KATNB1: variants seen among roughly 807,000 people sequenced by gnomAD.
KATNB1 encodes katanin regulatory subunit B1, also known as katanin p80 WD40 repeat-containing subunit B1.
KATNB1 carries 38 observed loss-of-function variants against 82.3 expected under a neutral mutation model. The ratio of observed to expected loss-of-function variants is 0.46; its 90% CI spans 0.36 to 0.61. The LOEUF is 0.61. KATNB1 is among the 20% of genes least tolerant of loss of function. The probability of loss-of-function intolerance (pLI) is 0.00; values close to 1 mark genes in which losing one functional copy is unlikely to be tolerated. For missense variants in KATNB1, 749 were observed against 915.7 expected, an observed-to-expected ratio of 0.82 and a Z score of 2.35; for synonymous variants, 361 against 368.7, an observed-to-expected ratio of 0.98 and a Z score of 0.24.
Position 57,753,150 on chromosome 16 carries a change from C to T in KATNB1, c.929C>T (p.Thr310Met), listed in dbSNP as rs535696616. The stretch of plus-strand genomic sequence containing the variant: ...CTGACGCGTGTCACCAGGACTGGCA[C>T]GGTGGCCCGGGACCCTGTGCAGGAC... ...VDLTRVTRTGTVARDPVQDHR... is the reference protein window; with the variant it reads ...VDLTRVTRTGMVARDPVQDHR... The change falls in exon 11 of 20, where the codon ACG becomes ATG. Residue 310 changes from threonine to methionine, a missense_variant. By Grantham distance (81) the Thr-to-Met change is moderately conservative. Around this residue, in one of 3 missense-constraint regions of KATNB1, gnomAD observed 407 missense variants for 434.7 expected, o/e 0.94. Transcript: ENST00000379661. The T allele has an allele frequency of 4.2e-5, 68 of 1,611,318 alleles. No individual in the cohort carries two copies. Among genetic ancestry groups the T allele is most frequent in the South Asian group, 2.2e-4 (20 of 91,068 alleles).
In KATNB1 at chr16:57,739,048, G is replaced by A. The variant is rs376614021; in HGVS notation, c.40+1765G>A. ...AGGCAGGAGGCTCAGTGTATTGGAA[G>A]GACTCAAGGGAGGCCATGGGCAGTG... is the stretch of plus-strand genomic sequence containing the variant. On this transcript the variant is annotated intron_variant, in intron 2 of 19. Transcript: ENST00000379661. Among the ~76,000 whole-genome samples, 48 of 152,340 alleles carry A rather than the reference G, an allele frequency of 3.2e-4. 1 individual carries two copies. Among genetic ancestry groups the A allele is most frequent in the African/African-American group, 1.1e-3 (44 of 41,580 alleles).
In KATNB1 at chr16:57,744,374, C is replaced by T. The variant is rs782618397; in HGVS notation, c.172-20C>T. The T allele has an allele frequency of 1.9e-6, 3 of 1,594,690 alleles. No individual in the cohort carries two copies. The highest frequency in any genetic ancestry group is 1.7e-5 in the Admixed American group (1 of 60,010). On this transcript the variant is annotated intron_variant, in intron 3 of 19. Transcript: ENST00000379661. ...GGGTCTGTCCAGCAGTGCACGGAAG[C>T]TGCTGCTCTCTCTCCACAGAGCCTG... is the stretch of plus-strand genomic sequence containing the variant.
chr16:57,751,327 T>C lies in KATNB1; in HGVS notation c.432+25T>C. The stretch of plus-strand genomic sequence containing the variant: ...GGTAAGGATGCGCTCTGTCGGTGAC[T>C]CCATGAGCACCTTGCGGGCATTGAG... On this transcript the variant is annotated intron_variant, in intron 6 of 19. Coordinates refer to ENST00000379661, the MANE Select transcript of KATNB1 (RefSeq NM_005886.3). The surrounding 1 kb of genome is among the most constrained non-coding windows in gnomAD (Gnocchi z 6.3). The C allele has an allele frequency of 1.2e-6, 2 of 1,608,698 alleles. No homozygotes were observed. Among genetic ancestry groups the C allele is most frequent in the Non-Finnish European group, 1.7e-6 (2 of 1,175,148 alleles).
At chr16:57,744,288 G>A in intron 3 of KATNB1, 106 bp from the exon 4 acceptor site, 2 of 970,022 alleles carry the variant, frequency 2.1e-6, no homozygotes, top group South Asian at 2.8e-5. Context: ...TCCCCCTCCT[G>A]CCTTAGCCAT....
At chr16:57,756,240 GTA>G in intron 18 of KATNB1, 114 bp from the exon 19 acceptor site, 1 of 1,104,556 alleles carries the variant, frequency 9.1e-7, no homozygotes, top group Non-Finnish European at 1.4e-6. Flanking sequence ...GTGTGTGGGT[GTA>G]TGTGTGGGTG....
rs1555584202 is a variant in KATNB1, at chr16:57,753,215, C to G, written c.994C>G (p.Pro332Ala). ...LAQPLPNPSA[P>A]LRRIYERPST... is the part of the protein sequence containing the mutation. Reference sequence around the variant, plus strand: ...ACAGCCACTGCCCAACCCCAGCGCCCCCCTCCGGCGCATCTATGAGCGGCC... The same window carrying G: ...ACAGCCACTGCCCAACCCCAGCGCCGCCCTCCGGCGCATCTATGAGCGGCC... Residue 332 changes from proline (P) to alanine (A), a missense_variant, in exon 11 of 20, where the codon CCC becomes GCC. Physicochemically the swap from Pro to Ala is conservative, Grantham distance 27. Coordinates refer to ENST00000379661, the MANE Select transcript of KATNB1 (RefSeq NM_005886.3). 12 of 1,607,584 alleles carry G rather than the reference C, an allele frequency of 7.5e-6. No individual in the cohort carries two copies. The highest frequency in any genetic ancestry group is 9.3e-6 in the Non-Finnish European group (11 of 1,178,580).
chr16:57,746,026 G>A (rs184772512), intron 4 of KATNB1, among the ~76,000 whole-genome samples: 51 of 152,182 alleles, frequency 3.4e-4, no homozygotes, highest in East Asian at 1.9e-3. Flanking sequence ...GTCCCACGCC[G>A]CAACCTTTCT....
In KATNB1 at chr16:57,737,758, T is replaced by C. The variant is rs16959314; in HGVS notation, c.40+475T>C. 2.5e-3 allele frequency among the ~76,000 whole-genome samples: 378 copies of C among 152,112 alleles called. 9 individuals are homozygous for C. The South Asian group carries it at 0.038, about 15-fold the overall frequency. On this transcript the variant is annotated intron_variant, in intron 2 of 19. Coordinates refer to ENST00000379661, the MANE Select transcript of KATNB1 (RefSeq NM_005886.3). Reference sequence around the variant, plus strand: ...CAGAGGGATGCAGACAGGGCTCGGATTGTAACTGATGGGCACTGTCCACTC... The same window carrying C: ...CAGAGGGATGCAGACAGGGCTCGGACTGTAACTGATGGGCACTGTCCACTC...
rs368223207 is a variant in KATNB1, at chr16:57,753,493, A to G, written c.1151A>G (p.Glu384Gly). 5 of 1,613,150 alleles carry G rather than the reference A, an allele frequency of 3.1e-6. No individual in the cohort carries two copies. In the South Asian group the frequency reaches 5.5e-5, roughly 18 times the overall value. Residue 384 changes from glutamate (E) to glycine (G), a missense_variant, in exon 12 of 20, where the codon GAG (glutamate) becomes GGG (glycine). Coordinates refer to ENST00000379661, the MANE Select transcript of KATNB1 (RefSeq NM_005886.3). ...ATCCAGAACGCCGAGGACTACAACG[A>G]GATCTTCCAGCCCAAGAACAGCATC... Reference protein sequence around the residue: ...AEIQNAEDYNEIFQPKNSISR... With the variant: ...AEIQNAEDYNGIFQPKNSISR...
intron 19 of KATNB1, 138 bp downstream of exon 19, chr16:57,756,610 G>T: frequency 8.7e-7 from 1 of 1,154,300 alleles, no homozygotes; most frequent in Non-Finnish European, 1.2e-6. Context: ...CCATGGCTCA[G>T]GGTGTGGGTG....
At chr16:57,750,724 G>A in intron 4 of KATNB1, 103 bp from the exon 5 acceptor site, 2 of 827,514 alleles carry the variant, frequency 2.4e-6, no homozygotes, top group Non-Finnish European at 4.3e-6. Flanking sequence ...ATTTTTCTGT[G>A]CAGCTAATCC....
At chr16:57,740,463 A>G (rs2049133624) in intron 2 of KATNB1, among the ~76,000 whole-genome samples, 1 of 152,170 alleles carries the variant, frequency 6.6e-6, no homozygotes, top group African/African-American at 2.4e-5. Flanking sequence ...GTGGAGTCGG[A>G]GCTGGGGTGC....
chr16:57,753,872 C>T, intron 12 of KATNB1, 73 bp from the exon 13 acceptor site: 1 of 1,458,520 alleles, frequency 6.9e-7, no homozygotes, highest in Non-Finnish European at 9.6e-7. Context: ...GTCCCCCGCA[C>T]TCTGGACAGG....
At chr16:57,741,931 C>T (rs956464651) in intron 3 of KATNB1, 114 bp downstream of exon 3, 1 of 1,274,854 alleles carries the variant, frequency 7.8e-7, no homozygotes, top group Admixed American at 2.0e-5. Context: ...CCCAGGGCCC[C>T]CTATCCGCTG....
rs782326704 is a variant in KATNB1, at chr16:57,755,135, G to C, written c.1313G>C (p.Arg438Pro). The change falls in exon 15 of 20, where the codon CGG becomes CCG. Residue 438 changes from arginine to proline, a missense_variant. This residue lies in a region of KATNB1 where 407 missense variants were observed against 434.7 expected (regional missense o/e 0.94). Coordinates refer to ENST00000379661, the MANE Select transcript of KATNB1 (RefSeq NM_005886.3). Reference protein sequence around the residue: ...FPVPNLEVLPRPPVVASTPAP... With the variant: ...FPVPNLEVLPPPPVVASTPAP... ...CACTTTCAGCTGGAGGTCCTGCCCCGGCCCCCAGTGGTTGCTTCCACACCT... is the reference window on the plus strand; with the variant it reads ...CACTTTCAGCTGGAGGTCCTGCCCCCGCCCCCAGTGGTTGCTTCCACACCT... 2.2e-5 allele frequency: 35 copies of C among 1,612,530 alleles called. No individual in the cohort carries two copies. The South Asian group carries it at 3.8e-4, about 18-fold the overall frequency.
At position 57,756,997 on chromosome 16, in the gene KATNB1, C is replaced by T. The variant is rs1555587223; in HGVS notation, c.*51C>T. 6.9e-7 allele frequency: 1 copy of T among 1,455,636 alleles called. No homozygotes were observed. Among genetic ancestry groups the T allele is most frequent in the East Asian group, 2.6e-5 (1 of 38,912 alleles). 90.2% of individuals were successfully genotyped at this position (1,455,636 alleles called of 1,614,324 possible). ...GCAGCCCACAGGGCCTGGCCTCAGC[C>T]CCCACTCCTGTTCCTTGTGCACCCA... On this transcript the variant is annotated 3_prime_UTR_variant, in exon 20 of 20. Coordinates refer to ENST00000379661, the MANE Select transcript of KATNB1 (RefSeq NM_005886.3).
At chr16:57,739,458 GC>G (rs1336951544) in intron 2 of KATNB1, among the ~76,000 whole-genome samples, 1 of 152,232 alleles carries the variant, frequency 6.6e-6, no homozygotes, top group Non-Finnish European at 1.5e-5. Context: ...TGGATGTGGG[GC>G]CCAGGTTGTA....
In KATNB1 at chr16:57,744,413, C is replaced by A; in HGVS notation, c.191C>A (p.Ser64Tyr). The A allele has an allele frequency of 6.2e-7, 1 of 1,613,624 alleles. No homozygotes were observed. The highest frequency in any genetic ancestry group is 1.3e-5 in the African/African-American group (1 of 75,052). The change falls in exon 4 of 20, where the codon TCC becomes TAC. Residue 64 changes from serine to tyrosine, a missense_variant. By Grantham distance (144) the Ser-to-Tyr change is moderately radical. Transcript: ENST00000379661. ...CCACAGAGCCTGACGGGCCACACAT[C>A]CCCAGTGGAGAGCGTCCGCCTCAAC... is the stretch of plus-strand genomic sequence containing the variant. ...NCIMSLTGHT[S>Y]PVESVRLNTP...
rs1460179103 is a variant in KATNB1, at chr16:57,751,777, C to G, written c.516+53C>G. ...GGGCTGGGGGCTGGGGTCTGCTGATCACAGCAGGCTGAGTCCTCACCTCCC... is the reference window on the plus strand; with the variant it reads ...GGGCTGGGGGCTGGGGTCTGCTGATGACAGCAGGCTGAGTCCTCACCTCCC... On this transcript the variant is annotated intron_variant, in intron 7 of 19. Coordinates refer to ENST00000379661, the MANE Select transcript of KATNB1 (RefSeq NM_005886.3). This position sits in a 1 kb window ranked among gnomAD's most constrained non-coding sequence, Gnocchi z 6.3. 2 of 1,547,816 alleles carry G rather than the reference C, an allele frequency of 1.3e-6. No homozygotes were observed. The highest frequency in any genetic ancestry group is 4.5e-5 in the East Asian group (2 of 44,588).
Sources: gnomAD v4.1 joint callset for allele counts (sites outside exome capture counted in the v4.1 genomes callset) on GRCh38, gnomAD v4.1.1 for gene constraint, gnomAD v4.1.1 regional missense constraint, Gnocchi (gnomAD v3.1) non-coding constraint, MANE v1.5 for transcripts, NCBI Gene and HGNC (gene_info 2026-07-23, HGNC 2026-07-21) for gene names.